Variants in HPSE2 observed in about 807,000 individuals in gnomAD.
The protein encoded by HPSE2 is inactive heparanase-2.
A neutral mutation model predicts 60.5 loss-of-function variants in HPSE2; 38 were observed. The observed-to-expected ratio is 0.63, with a 90% CI of 0.48 to 0.82. The LOEUF (loss-of-function observed/expected upper bound fraction) is 0.82. Among genes scored for constraint, HPSE2 ranks in the 40% least tolerant of loss-of-function variants. The pLI, the probability that HPSE2 is intolerant of heterozygous loss-of-function variation, is 0.00. For synonymous variants in HPSE2, 295 were observed against 293.2 expected (o/e 1.01, Z -0.06); for missense variants, 713 against 740.4 (o/e 0.96, Z 0.43).
intron 3 of HPSE2, among the ~76,000 whole-genome samples, chr10:98,756,707 C>T (rs899840233): frequency 6.6e-6 from 1 of 151,898 alleles, no homozygotes; most frequent in Admixed American, 6.6e-5. Context: ...AACAAAAAAG[C>T]CCTGGACCAG....
At chr10:98,701,688 A>T (rs553973564) in intron 5 of HPSE2, among the ~76,000 whole-genome samples, 2 of 152,260 alleles carry the variant, frequency 1.3e-5, no homozygotes, top group Admixed American at 6.5e-5. Context: ...TAAACCCAGA[A>T]TTTCAAATCC....
At chr10:98,847,673 T>C (rs1952066214) in intron 3 of HPSE2, among the ~76,000 whole-genome samples, 1 of 152,256 alleles carries the variant, frequency 6.6e-6, no homozygotes, top group Non-Finnish European at 1.5e-5. Flanking sequence ...CAGCAGTTAT[T>C]TGCCACCTCT....
rs896978428 is a variant in HPSE2 at position 99,126,038 on chromosome 10, G to A, written c.610+18200C>T. Among the ~76,000 whole-genome samples, 5 of 152,306 alleles carry A rather than the reference G, an allele frequency of 3.3e-5. No homozygotes were observed. The highest frequency in any genetic ancestry group is 3.4e-3 in the Middle Eastern group (1 of 294). On this transcript the variant is annotated intron_variant, in intron 3 of 11. Transcript: ENST00000370552. The surrounding 1 kb of genome is among the most constrained non-coding windows in gnomAD (Gnocchi z 4.0). Reference sequence around the variant, plus strand: ...ACAGGAGCTGGTGATGACAGTGTGAGCAGATGGGAGGGGCAGGGCCTGAAA... The same window carrying A: ...ACAGGAGCTGGTGATGACAGTGTGAACAGATGGGAGGGGCAGGGCCTGAAA...
intron 9 of HPSE2, among the ~76,000 whole-genome samples, chr10:98,587,570 T>C (rs570887282): frequency 6.6e-6 from 1 of 152,320 alleles, no homozygotes; most frequent in South Asian, 2.1e-4. Context: ...TTTCTACTCC[T>C]CTTAATAAAA....
At chr10:99,074,859 CTT>C (rs921474642) in intron 3 of HPSE2, among the ~76,000 whole-genome samples, 1 of 152,058 alleles carries the variant, frequency 6.6e-6, no homozygotes, top group Non-Finnish European at 1.5e-5. Context: ...ATAGTAGTCT[CTT>C]ATGATTCTTT....
At chr10:98,760,664 T>C (rs2134385497) in intron 3 of HPSE2, among the ~76,000 whole-genome samples, 1 of 152,256 alleles carries the variant, frequency 6.6e-6, no homozygotes, top group South Asian at 2.1e-4. Context: ...TCATGATAAA[T>C]TAGTCTCTTA....
chr10:99,296,051 T>C, the HPSE2 span, among the ~76,000 whole-genome samples: 1 of 152,228 alleles, frequency 6.6e-6, no homozygotes, highest in Non-Finnish European at 1.5e-5. Context: ...ACACTGAGTA[T>C]TGTCTGTTTA....
the HPSE2 span, among the ~76,000 whole-genome samples, chr10:99,242,483 C>T: frequency 3.9e-5 from 6 of 152,244 alleles, no homozygotes; most frequent in East Asian, 1.2e-3. Context: ...TTTGAAACCC[C>T]TTAGCATGTT....
At chr10:98,752,137 T>C (rs941435796) in intron 3 of HPSE2, among the ~76,000 whole-genome samples, 5 of 152,268 alleles carry the variant, frequency 3.3e-5, no homozygotes, top group Admixed American at 2.0e-4. Flanking sequence ...ATTCTTCTTA[T>C]CTAGGTTTAT....
chr10:99,105,041 C>A (rs2135660787), intron 3 of HPSE2, among the ~76,000 whole-genome samples: 1 of 145,330 alleles, frequency 6.9e-6, no homozygotes, highest in East Asian at 2.0e-4. Flanking sequence ...TGCACATGTA[C>A]CCTAGAACTT....
At chr10:98,556,474 A>G (rs866266827) in intron 9 of HPSE2, among the ~76,000 whole-genome samples, 6 of 152,248 alleles carry the variant, frequency 3.9e-5, no homozygotes, top group Non-Finnish European at 8.8e-5. Context: ...GAATTTTGCA[A>G]CGTCACTGGA....
intron 3 of HPSE2, among the ~76,000 whole-genome samples, chr10:99,095,955 A>T (rs147346036): frequency 6.6e-6 from 1 of 152,136 alleles, no homozygotes; most frequent in Non-Finnish European, 1.5e-5. Context: ...CGGTGGTCTT[A>T]CCTTATGGTG....
intron 11 of HPSE2, among the ~76,000 whole-genome samples, chr10:98,468,103 C>T (rs1258956540): frequency 6.6e-6 from 1 of 152,356 alleles, no homozygotes; most frequent in East Asian, 1.9e-4. Flanking sequence ...AGCTGCCCTG[C>T]CCTTCTCCAG....
At chr10:99,271,050 A>G in the HPSE2 span, among the ~76,000 whole-genome samples, 1 of 152,188 alleles carries the variant, frequency 6.6e-6, no homozygotes, top group African/African-American at 2.4e-5. Context: ...GGAAAAGCAG[A>G]AAGTACTCCC....
At chr10:98,766,968 A>G (rs771998835) in intron 3 of HPSE2, among the ~76,000 whole-genome samples, 2 of 152,118 alleles carry the variant, frequency 1.3e-5, no homozygotes, top group Non-Finnish European at 2.9e-5. Flanking sequence ...ATATTAACTC[A>G]ATGTAATTCA....
At chr10:98,547,697 C>G (rs1041431906) in intron 9 of HPSE2, among the ~76,000 whole-genome samples, 8 of 150,184 alleles carry the variant, frequency 5.3e-5, no homozygotes, top group African/African-American at 2.0e-4. Flanking sequence ...GGTGATATAC[C>G]TAATGCTAAA....
chr10:98,719,860 G>A (rs924208239), intron 5 of HPSE2, among the ~76,000 whole-genome samples: 1 of 151,868 alleles, frequency 6.6e-6, no homozygotes, highest in African/African-American at 2.4e-5. Flanking sequence ...AATTAGCCAG[G>A]CATGGTGGCA....
At chr10:98,553,786 A>G (rs903174816) in intron 9 of HPSE2, among the ~76,000 whole-genome samples, 5 of 151,946 alleles carry the variant, frequency 3.3e-5, no homozygotes, top group Non-Finnish European at 7.4e-5. Flanking sequence ...GATGATTGCT[A>G]TTTTGTTTCT....
intron 3 of HPSE2, among the ~76,000 whole-genome samples, chr10:99,132,523 G>A (rs1194095982): frequency 2.0e-5 from 3 of 152,064 alleles, no homozygotes; most frequent in Admixed American, 1.3e-4. Flanking sequence ...GGTGATTTCT[G>A]CATTTCCAAC....
Sources: allele counts gnomAD v4.1 joint callset (sites outside exome capture counted in the v4.1 genomes callset), GRCh38; gene constraint gnomAD v4.1.1; non-coding constraint Gnocchi (gnomAD v3.1); transcripts MANE v1.5; gene names NCBI Gene and HGNC (gene_info 2026-07-23, HGNC 2026-07-21).